SPINT2: variants seen among roughly 807,000 people sequenced by gnomAD.
SPINT2 encodes serine peptidase inhibitor, Kunitz type 2, also known as kunitz-type protease inhibitor 2.
Under a neutral mutation model 30.1 loss-of-function variants are expected in SPINT2, and 18 were observed. The ratio of observed to expected loss-of-function variants is 0.60; its 90% CI spans 0.41 to 0.89. The LOEUF is 0.89. SPINT2 is among the 40% of genes least tolerant of loss of function. The pLI, the probability that SPINT2 is intolerant of heterozygous loss-of-function variation, is 0.00. For synonymous variants in SPINT2, 139 were observed against 137.9 expected, an observed-to-expected ratio of 1.01 and a Z score of -0.05; for missense variants, 276 against 334.3, an observed-to-expected ratio of 0.83 and a Z score of 1.36.
chr19:38,286,736 T>C (rs1431833104), intron 2 of SPINT2, among the ~76,000 whole-genome samples: 2 of 152,132 alleles, frequency 1.3e-5, no homozygotes, highest in African/African-American at 2.4e-5. Context: ...TGAGCTGAGA[T>C]CGCGCCAGAG....
At chr19:38,279,353 CT>C (rs921232587) in intron 1 of SPINT2, among the ~76,000 whole-genome samples, 4 of 151,912 alleles carry the variant, frequency 2.6e-5, no homozygotes, top group Admixed American at 2.6e-4. Context: ...ACGAAATTAG[CT>C]GGTGTGATGG....
chr19:38,268,077 T>TG (rs1167192952), intron 1 of SPINT2, among the ~76,000 whole-genome samples: 1 of 151,798 alleles, frequency 6.6e-6, no homozygotes, highest in Non-Finnish European at 1.5e-5. Context: ...GCCCAGGAGT[T>TG]GGGGGAGGGG....
At chr19:38,277,038 G>A (rs757670145) in intron 1 of SPINT2, among the ~76,000 whole-genome samples, 20 of 152,000 alleles carry the variant, frequency 1.3e-4, no homozygotes, top group Non-Finnish European at 2.8e-4. Context: ...CTAACCCCAG[G>A]TGATCTGCCC....
intron 1 of SPINT2, among the ~76,000 whole-genome samples, chr19:38,273,440 T>G (rs1323210468): frequency 6.6e-6 from 1 of 151,816 alleles, no homozygotes; most frequent in African/African-American, 2.4e-5. Context: ...TGACTTCAGG[T>G]GATCTGCCTC....
chr19:38,288,965 C>T, intron 3 of SPINT2, 173 bp from the exon 4 acceptor site: 1 of 656,460 alleles, frequency 1.5e-6, no homozygotes, highest in Non-Finnish European at 2.8e-6. Context: ...TCAGTGTGTG[C>T]GTAGAGCCCA....
intron 3 of SPINT2, chr19:38,288,615 C>T (rs1313627107): frequency 1.0e-5 from 2 of 192,998 alleles, no homozygotes; most frequent in Non-Finnish European, 2.2e-5. Flanking sequence ...GAGGATGGGA[C>T]TCCCCCGGCA....
At chr19:38,289,517 C>T (rs551717778) in intron 4 of SPINT2, 252 of 211,802 alleles carry the variant, frequency 1.2e-3, no homozygotes, top group African/African-American at 4.9e-3. Flanking sequence ...AAAAAAACTC[C>T]GAAGAAACTT....
chr19:38,289,976 C>A, intron 4 of SPINT2, 143 bp from the exon 5 acceptor site: 1 of 927,622 alleles, frequency 1.1e-6, no homozygotes, highest in Non-Finnish European at 1.7e-6. Context: ...CTGCACTGGT[C>A]TTGGGTGTAA....
chr19:38,291,784 C>G, intron 6 of SPINT2, 56 bp from the exon 7 acceptor site: 1 of 1,596,162 alleles, frequency 6.3e-7, no homozygotes, highest in Non-Finnish European at 8.5e-7. Context: ...GTGAGCGCCA[C>G]TCTGGCTGCA....
chr19:38,269,844 T>C (rs1464057301), intron 1 of SPINT2, among the ~76,000 whole-genome samples: 1 of 152,116 alleles, frequency 6.6e-6, no homozygotes, highest in African/African-American at 2.4e-5. Flanking sequence ...CTCCTGACCT[T>C]GTGATCTGCC....
At chr19:38,276,848 T>C (rs908847120) in intron 1 of SPINT2, among the ~76,000 whole-genome samples, 1 of 151,988 alleles carries the variant, frequency 6.6e-6, no homozygotes, top group Admixed American at 6.6e-5. Context: ...TTGCCCAGGC[T>C]GGAGTGCAGT....
chr19:38,274,708 C>A (rs1180587822), intron 1 of SPINT2, among the ~76,000 whole-genome samples: 1 of 151,686 alleles, frequency 6.6e-6, no homozygotes, highest in African/African-American at 2.4e-5. Context: ...CCTAGCTACT[C>A]AGGAGGCTGA....
chr19:38,272,283 G>A (rs551673119), intron 1 of SPINT2, among the ~76,000 whole-genome samples: 30 of 152,242 alleles, frequency 2.0e-4, no homozygotes, highest in African/African-American at 6.0e-4. Flanking sequence ...TTAAAGGGGT[G>A]GGGGAACAAA....
chr19:38,266,888 TTAAG>T (rs1458219648), intron 1 of SPINT2, among the ~76,000 whole-genome samples: 1 of 152,216 alleles, frequency 6.6e-6, no homozygotes. Context: ...CTTTTTCAGT[TTAAG>T]TAATTACGTT....
At chr19:38,289,492 A>AAAAAAAAAAAAAAAAAAAAAAAAAC (rs1968686465) in intron 4 of SPINT2, 1 of 216,778 alleles carries the variant, frequency 4.6e-6, no homozygotes, top group Non-Finnish European at 9.2e-6. Flanking sequence ...CTCAAAAAAA[A>AAAAAAAAAAAAAAAAAAAAAAAAAC]AAAAAAAAAA....
In SPINT2 at chr19:38,289,118, C is replaced by T. The variant is rs746345112; in HGVS notation, c.338-20C>T. 13 of 1,613,432 alleles carry T rather than the reference C, an allele frequency of 8.1e-6. No individual in the cohort carries two copies. The highest frequency in any genetic ancestry group is 8.0e-5 in the African/African-American group (6 of 74,894). On this transcript the variant is annotated intron_variant, in intron 3 of 6. Transcript: ENST00000301244. ...CCTGTGTCCGGCCCAGCCTCCCTAA[C>T]ACAGATGTTTGTGTTTCAGCTCCCA...
chr19:38,264,715 A>T lies in SPINT2; in HGVS notation c.-178A>T. ...CGCGCCGAGAAGGCCGGGCGTCCCC[A>T]CACTGAAGGTCCGGAAAGGCGACTT... is the stretch of plus-strand genomic sequence containing the variant. On this transcript the variant is annotated 5_prime_UTR_variant, in exon 1 of 7. Transcript: ENST00000301244. 1 of 627,926 alleles carries T rather than the reference A, an allele frequency of 1.6e-6. No homozygotes were observed. The highest frequency in any genetic ancestry group is 2.7e-6 in the Non-Finnish European group (1 of 364,886). 38.9% of individuals were successfully genotyped at this position (627,926 alleles called of 1,614,324 possible).
At chr19:38,272,068 T>G (rs1031719576) in intron 1 of SPINT2, among the ~76,000 whole-genome samples, 11 of 151,284 alleles carry the variant, frequency 7.3e-5, no homozygotes, top group Admixed American at 2.6e-4. Flanking sequence ...TACAAAAAAC[T>G]AGTCAGCCTG....
At position 38,292,096 on chromosome 19, in the gene SPINT2, C is replaced by G. The variant is rs1446604824; in HGVS notation, c.*90C>G. 3 of 1,524,772 alleles carry G rather than the reference C, an allele frequency of 2.0e-6. No individual in the cohort carries two copies. The highest frequency in any genetic ancestry group is 2.7e-6 in the Non-Finnish European group (3 of 1,126,124). The allele number at this position is 1,524,772 out of a possible 1,614,324, so 94.5% of individuals were successfully genotyped here. A position where few individuals can be genotyped will look rare whatever the true frequency, so the allele number is the denominator to read the frequency against. On this transcript the variant is annotated 3_prime_UTR_variant, in exon 7 of 7. Transcript: ENST00000301244. ...AGGGATTGACTCGGATTTGAGTGATCATTAGGGCTGAGGTCTGTTTCTCTG... is the reference window on the plus strand; with the variant it reads ...AGGGATTGACTCGGATTTGAGTGATGATTAGGGCTGAGGTCTGTTTCTCTG...
Sources: gnomAD v4.1 joint callset for allele counts (sites outside exome capture counted in the v4.1 genomes callset) on GRCh38, gnomAD v4.1.1 for gene constraint, MANE v1.5 for transcripts, NCBI Gene and HGNC (gene_info 2026-07-23, HGNC 2026-07-21) for gene names.